CLEC16A: variants seen among roughly 807,000 people sequenced by gnomAD.
The protein encoded by CLEC16A is protein CLEC16A.
CLEC16A carries 51 observed loss-of-function variants against 109.5 expected under a neutral mutation model. The ratio of observed to expected loss-of-function variants is 0.47; its 90% CI spans 0.37 to 0.59. CLEC16A has a LOEUF of 0.59. Among genes scored for constraint, CLEC16A ranks in the 20% least tolerant of loss-of-function variants. The pLI, the probability that CLEC16A is intolerant of heterozygous loss-of-function variation, is 0.00. For missense variants in CLEC16A, 1,339 were observed against 1,394.0 expected (o/e 0.96, Z 0.63); for synonymous variants, 673 against 564.2 (o/e 1.19, Z -2.73).
At chr16:11,166,306 G>A in intron 22 of CLEC16A, 82 bp from the exon 23 acceptor site, 1 of 1,448,894 alleles carries the variant, frequency 6.9e-7, no homozygotes, top group Non-Finnish European at 9.3e-7. Context: ...ACTGAGGTTG[G>A]GTTGTTCAGT....
intron 19 of CLEC16A, among the ~76,000 whole-genome samples, chr16:11,111,171 A>T (rs1275230214): frequency 6.6e-6 from 1 of 152,076 alleles, no homozygotes; most frequent in Admixed American, 6.6e-5. Flanking sequence ...TTACCATCAC[A>T]ATTATCTATT....
At chr16:10,962,340 G>A in intron 2 of CLEC16A, 115 bp from the exon 3 acceptor site, 1 of 1,282,162 alleles carries the variant, frequency 7.8e-7, no homozygotes, top group Non-Finnish European at 1.1e-6. Flanking sequence ...GACCTGTGCA[G>A]ATACCTTGGG....
chr16:11,002,185 G>A (rs1382363333), intron 10 of CLEC16A, among the ~76,000 whole-genome samples: 5 of 152,314 alleles, frequency 3.3e-5, no homozygotes, highest in Admixed American at 3.3e-4. Flanking sequence ...GTAAAATGAG[G>A]ATGACACAGT....
intron 22 of CLEC16A, among the ~76,000 whole-genome samples, chr16:11,139,376 G>A (rs2053718349): frequency 6.6e-6 from 1 of 152,136 alleles, no homozygotes; most frequent in African/African-American, 2.4e-5. Context: ...CTAAAATACA[G>A]TTTTCTTTAT....
chr16:10,976,627 G>A (rs1039888818), intron 7 of CLEC16A, among the ~76,000 whole-genome samples: 4 of 152,158 alleles, frequency 2.6e-5, no homozygotes, highest in African/African-American at 9.7e-5. Flanking sequence ...CATACTCCTT[G>A]GGGGTGGTGA....
At chr16:11,037,145 G>A (rs191894467) in intron 13 of CLEC16A, among the ~76,000 whole-genome samples, 1 of 152,196 alleles carries the variant, frequency 6.6e-6, no homozygotes, top group Non-Finnish European at 1.5e-5. Flanking sequence ...TCTCATTCCT[G>A]CTGTACCCAG....
intron 19 of CLEC16A, chr16:11,070,463 TC>T (rs1725912867): frequency 6.6e-6 from 1 of 151,432 alleles, no homozygotes; most frequent in African/African-American, 2.4e-5. Flanking sequence ...TATCTTGGCC[TC>T]CCAAGGTGCT....
At chr16:11,018,196 A>C (rs944311013) in intron 11 of CLEC16A, among the ~76,000 whole-genome samples, 1 of 150,498 alleles carries the variant, frequency 6.6e-6, no homozygotes, top group Admixed American at 6.7e-5. Context: ...GTTCCTAGCT[A>C]CTCGGGAGCC....
At chr16:10,998,364 G>C (rs556523799) in intron 10 of CLEC16A, among the ~76,000 whole-genome samples, 125 of 152,272 alleles carry the variant, frequency 8.2e-4, no homozygotes, top group African/African-American at 3.0e-3. Context: ...TCAGCAAAGA[G>C]GCTCCTTCCC....
intron 19 of CLEC16A, among the ~76,000 whole-genome samples, chr16:11,074,252 C>G (rs749116795): frequency 2.0e-5 from 3 of 152,186 alleles, no homozygotes; most frequent in Non-Finnish European, 2.9e-5. Flanking sequence ...ACCACCAATT[C>G]TCTAAGGAAA....
At chr16:11,054,706 C>T (rs942728126) in intron 18 of CLEC16A, among the ~76,000 whole-genome samples, 1 of 152,226 alleles carries the variant, frequency 6.6e-6, no homozygotes, top group Admixed American at 6.5e-5. Flanking sequence ...TTTGGCCACT[C>T]ATCTCACTAC....
At chr16:10,974,696 C>G (rs531309941) in intron 7 of CLEC16A, among the ~76,000 whole-genome samples, 17 of 152,176 alleles carry the variant, frequency 1.1e-4, no homozygotes, top group Admixed American at 2.6e-4. Flanking sequence ...CTAAAGGGAC[C>G]AGGGCAGACC....
At chr16:10,960,954 C>A (rs546245478) in intron 2 of CLEC16A, among the ~76,000 whole-genome samples, 2 of 152,260 alleles carry the variant, frequency 1.3e-5, no homozygotes, top group South Asian at 4.1e-4. Flanking sequence ...CTGTAAAATG[C>A]TCCAGTCCTA....
chr16:10,981,541 C>T (rs1596866196), intron 9 of CLEC16A, among the ~76,000 whole-genome samples: 1 of 152,200 alleles, frequency 6.6e-6, no homozygotes, highest in Non-Finnish European at 1.5e-5. Flanking sequence ...ATATATTCCC[C>T]TTGTTCAAAC....
At chr16:11,107,811 C>T (rs1163304657) in intron 19 of CLEC16A, among the ~76,000 whole-genome samples, 4 of 152,230 alleles carry the variant, frequency 2.6e-5, no homozygotes, top group Admixed American at 2.0e-4. Flanking sequence ...AGAATGGCTG[C>T]TGTTTTCAGT....
At chr16:10,978,446 A>G (rs1015687418) in intron 8 of CLEC16A, among the ~76,000 whole-genome samples, 2 of 152,148 alleles carry the variant, frequency 1.3e-5, no homozygotes, top group African/African-American at 4.8e-5. Flanking sequence ...AAGAAAGTGT[A>G]TTTTTAGTAG....
At chr16:11,137,933 A>G (rs1176988276) in intron 22 of CLEC16A, among the ~76,000 whole-genome samples, 8 of 152,254 alleles carry the variant, frequency 5.3e-5, no homozygotes, top group Non-Finnish European at 8.8e-5. Flanking sequence ...AGATGCAGCA[A>G]TAATGGTGCC....
chr16:10,962,393 A>T (rs2042291840), intron 2 of CLEC16A, 62 bp from the exon 3 acceptor site: 2 of 1,600,000 alleles, frequency 1.3e-6, no homozygotes, highest in Admixed American at 1.7e-5. Flanking sequence ...ATGAAACCAG[A>T]TAATAATTTC....
intron 10 of CLEC16A, among the ~76,000 whole-genome samples, chr16:10,991,684 T>C (rs1453525267): frequency 1.3e-5 from 2 of 152,192 alleles, no homozygotes; most frequent in Non-Finnish European, 2.9e-5. Flanking sequence ...ACGTTGATTG[T>C]CTTGATGTGA....
Sources: allele counts gnomAD v4.1 joint callset (sites outside exome capture counted in the v4.1 genomes callset), GRCh38; gene constraint gnomAD v4.1.1; transcripts MANE v1.5; gene names NCBI Gene and HGNC (gene_info 2026-07-23, HGNC 2026-07-21).